Variants in GRIK2 observed in about 807,000 individuals in gnomAD.
GRIK2 encodes the protein glutamate ionotropic receptor kainate type subunit 2.
In GRIK2, 32 loss-of-function variants were observed where a neutral mutation model predicts 100.3. The observed-to-expected ratio is 0.32, with a 90% CI of 0.24 to 0.43. The LOEUF (loss-of-function observed/expected upper bound fraction) is 0.43. Among genes scored for constraint, GRIK2 ranks in the 20% least tolerant of loss-of-function variants. The pLI is 1.00. For synonymous variants in GRIK2, 417 were observed against 389.4 expected (o/e 1.07, Z -0.83); for missense variants, 843 against 1,114.9 (o/e 0.76, Z 3.47).
intron 14 of GRIK2, among the ~76,000 whole-genome samples, chr6:101,970,090 T>C (rs1240968256): frequency 6.6e-6 from 1 of 152,092 alleles, no homozygotes; most frequent in African/African-American, 2.4e-5. Flanking sequence ...ATGCCCTTTT[T>C]TTGGTGTTTG....
chr6:101,753,224 A>C (rs964446009), intron 7 of GRIK2, among the ~76,000 whole-genome samples: 5 of 149,526 alleles, frequency 3.3e-5, no homozygotes, highest in Non-Finnish European at 7.4e-5. Context: ...CGGAGCTTGC[A>C]GTAAGCCGAG....
intron 7 of GRIK2, among the ~76,000 whole-genome samples, chr6:101,773,485 A>C (rs1403440609): frequency 6.6e-6 from 1 of 151,220 alleles, no homozygotes; most frequent in African/African-American, 2.4e-5. Context: ...TCTCAAAAAA[A>C]AAAAAAAAGG....
intron 2 of GRIK2, among the ~76,000 whole-genome samples, chr6:101,540,782 T>C (rs1775948017): frequency 1.3e-5 from 2 of 151,988 alleles, no homozygotes; most frequent in South Asian, 2.1e-4. Context: ...TTTACAGATA[T>C]AATGTAATTA....
At chr6:101,517,597 G>A (rs988860934) in intron 2 of GRIK2, among the ~76,000 whole-genome samples, 1 of 151,964 alleles carries the variant, frequency 6.6e-6, no homozygotes, top group Non-Finnish European at 1.5e-5. Flanking sequence ...TGCACAAAAG[G>A]TCCCCAACTA....
chr6:101,908,258 T>A (rs1356949014), intron 12 of GRIK2, among the ~76,000 whole-genome samples: 1 of 151,654 alleles, frequency 6.6e-6, no homozygotes, highest in Non-Finnish European at 1.5e-5. Flanking sequence ...AGCTAGTAAG[T>A]TGGTGCAAAA....
intron 15 of GRIK2, among the ~76,000 whole-genome samples, chr6:102,043,239 A>C (rs1362586806): frequency 6.6e-6 from 1 of 150,630 alleles, no homozygotes; most frequent in African/African-American, 2.4e-5. Context: ...ATAAGGAATG[A>C]TTAAACTAAT....
At chr6:101,827,531 C>A (rs1339087747) in intron 10 of GRIK2, among the ~76,000 whole-genome samples, 1 of 151,332 alleles carries the variant, frequency 6.6e-6, no homozygotes, top group African/African-American at 2.4e-5. Context: ...TCAGAAGAAC[C>A]ATTTCACATG....
intron 2 of GRIK2, among the ~76,000 whole-genome samples, chr6:101,418,694 T>A (rs955090641): frequency 6.6e-6 from 1 of 152,196 alleles, no homozygotes; most frequent in Non-Finnish European, 1.5e-5. Context: ...TGCAAACCCC[T>A]GTTATCGATT....
At chr6:101,498,710 G>C (rs941439294) in intron 2 of GRIK2, among the ~76,000 whole-genome samples, 2 of 151,644 alleles carry the variant, frequency 1.3e-5, no homozygotes, top group Admixed American at 6.6e-5. Context: ...CTTTTTGATG[G>C]GGTTGTTTGT....
chr6:101,657,938 G>A (rs1582905942), intron 4 of GRIK2, among the ~76,000 whole-genome samples: 1 of 152,074 alleles, frequency 6.6e-6, no homozygotes, highest in East Asian at 1.9e-4. Flanking sequence ...TGCTGATAGA[G>A]GCTAAAATGC....
chr6:101,810,768 A>C (rs1252751957), intron 9 of GRIK2, among the ~76,000 whole-genome samples: 2 of 152,084 alleles, frequency 1.3e-5, no homozygotes, highest in African/African-American at 2.4e-5. Context: ...TCATTTAACT[A>C]TTCATCATTT....
chr6:101,865,611 G>C (rs1329753169), intron 11 of GRIK2, among the ~76,000 whole-genome samples: 2 of 152,128 alleles, frequency 1.3e-5, no homozygotes, highest in African/African-American at 2.4e-5. Flanking sequence ...AAAAGGCTAG[G>C]CGTCGTGACT....
At chr6:101,697,775 T>A (rs9498670) in intron 7 of GRIK2, among the ~76,000 whole-genome samples, 111,547 of 151,848 alleles carry the variant, frequency 0.73, 43,452 homozygotes, top group South Asian at 0.89. Context: ...TGCTAACAGT[T>A]TAATATTTCT....
chr6:102,021,904 A>T (rs1382668050), intron 14 of GRIK2, among the ~76,000 whole-genome samples: 1 of 150,620 alleles, frequency 6.6e-6, no homozygotes, highest in Non-Finnish European at 1.5e-5. Context: ...AGTAGCGTAG[A>T]CCTTTCTTCA....
At chr6:101,775,517 ATGTG>A in intron 7 of GRIK2, among the ~76,000 whole-genome samples, 1 of 119,958 alleles carries the variant, frequency 8.3e-6, no homozygotes, top group East Asian at 2.4e-4. Context: ...TTATATATAT[ATGTG>A]TGTATATATA....
chr6:101,541,223 AGAG>A (rs1156701266), intron 2 of GRIK2, among the ~76,000 whole-genome samples: 2 of 152,060 alleles, frequency 1.3e-5, no homozygotes, highest in Non-Finnish European at 2.9e-5. Context: ...AGTTGGTAGG[AGAG>A]GAGAACCAAG....
intron 15 of GRIK2, among the ~76,000 whole-genome samples, chr6:102,040,536 T>G (rs1582770894): frequency 6.6e-6 from 1 of 151,726 alleles, no homozygotes; most frequent in East Asian, 1.9e-4. Context: ...TTTACTTCTG[T>G]TTTCTAATGT....
intron 7 of GRIK2, among the ~76,000 whole-genome samples, chr6:101,770,965 T>A (rs1778362390): frequency 6.6e-6 from 1 of 152,186 alleles, no homozygotes; most frequent in African/African-American, 2.4e-5. Context: ...AATCAGAAGA[T>A]AATATATTCA....
At chr6:101,679,468 C>A (rs1167443924) in intron 5 of GRIK2, among the ~76,000 whole-genome samples, 1 of 152,044 alleles carries the variant, frequency 6.6e-6, no homozygotes, top group Non-Finnish European at 1.5e-5. Context: ...ATGACAACCG[C>A]TTTTATGTTG....
Sources: gnomAD v4.1 joint callset for allele counts (sites outside exome capture counted in the v4.1 genomes callset) on GRCh38, gnomAD v4.1.1 for gene constraint, MANE v1.5 for transcripts, NCBI Gene and HGNC (gene_info 2026-07-23, HGNC 2026-07-21) for gene names.